Variants in LINGO2 observed in about 807,000 individuals in gnomAD.
LINGO2 encodes leucine rich repeat and Ig domain containing 2, also known as leucine-rich repeat and immunoglobulin-like domain-containing nogo receptor-interacting protein 2.
Under a neutral mutation model 30.6 loss-of-function variants are expected in LINGO2, and 14 were observed. That is an observed-to-expected ratio of 0.46 (90% CI 0.30 to 0.72). The LOEUF is 0.72. LINGO2 is among the 30% of genes least tolerant of loss of function. The pLI is 0.07. For missense variants in LINGO2, 729 were observed against 751.7 expected (o/e 0.97, Z 0.35); for synonymous variants, 317 against 288.5 (o/e 1.10, Z -1.00).
the LINGO2 span, among the ~76,000 whole-genome samples, chr9:28,927,114 A>T: frequency 1.3e-5 from 2 of 152,238 alleles, no homozygotes; most frequent in Non-Finnish European, 2.9e-5. Flanking sequence ...AAAAGAGAAC[A>T]TATCTTTTTG....
chr9:27,947,061 C>T (rs1823393597), downstream of LINGO2, among the ~76,000 whole-genome samples: 1 of 152,152 alleles, frequency 6.6e-6, no homozygotes, highest in Non-Finnish European at 1.5e-5. Context: ...CTTTCTACTC[C>T]AGCTTACATG....
the LINGO2 span, among the ~76,000 whole-genome samples, chr9:29,120,468 G>A: frequency 6.6e-6 from 1 of 152,040 alleles, no homozygotes; most frequent in South Asian, 2.1e-4. Context: ...TTGTCATATT[G>A]TCTTATTGTT....
chr9:29,008,510 C>T, the LINGO2 span, among the ~76,000 whole-genome samples: 1 of 152,298 alleles, frequency 6.6e-6, no homozygotes, highest in Admixed American at 6.5e-5. Context: ...ACACTGTCTT[C>T]CACAATGGTT....
chr9:28,663,235 A>G (rs1265116412), intron 1 of LINGO2, among the ~76,000 whole-genome samples: 1 of 152,066 alleles, frequency 6.6e-6, no homozygotes. Flanking sequence ...CAGTGGTGCC[A>G]TCTCGGCTCG....
At chr9:28,509,914 G>A (rs1820302676) in intron 1 of LINGO2, among the ~76,000 whole-genome samples, 2 of 152,164 alleles carry the variant, frequency 1.3e-5, no homozygotes, top group Non-Finnish European at 2.9e-5. Flanking sequence ...TATTTTTGAA[G>A]ATAAACAAAA....
the LINGO2 span, among the ~76,000 whole-genome samples, chr9:28,918,134 G>A: frequency 2.1e-4 from 32 of 152,228 alleles, 1 homozygote; most frequent in South Asian, 6.0e-3. Flanking sequence ...GGCTTAATCG[G>A]ACTTACAGTT....
At chr9:28,773,643 T>C in the LINGO2 span, among the ~76,000 whole-genome samples, 1 of 152,190 alleles carries the variant, frequency 6.6e-6, no homozygotes, top group South Asian at 2.1e-4. Flanking sequence ...TGCTTGTTTG[T>C]ACAATACTAT....
chr9:28,991,378 T>C, the LINGO2 span, among the ~76,000 whole-genome samples: 1 of 151,336 alleles, frequency 6.6e-6, no homozygotes, highest in African/African-American at 2.4e-5. Flanking sequence ...AAAGACCAAA[T>C]CTACGTCTGA....
At chr9:29,135,704 T>C in the LINGO2 span, among the ~76,000 whole-genome samples, 34 of 152,254 alleles carry the variant, frequency 2.2e-4, no homozygotes, top group African/African-American at 8.2e-4. Context: ...TACAGATCAA[T>C]AGAGTTATGC....
the LINGO2 span, among the ~76,000 whole-genome samples, chr9:28,997,694 G>C: frequency 6.6e-6 from 1 of 151,930 alleles, no homozygotes; most frequent in Admixed American, 6.6e-5. Context: ...ATGGTAGTGG[G>C]CACCTATAGT....
the LINGO2 span, among the ~76,000 whole-genome samples, chr9:28,830,414 T>G: frequency 6.6e-6 from 1 of 152,140 alleles, no homozygotes; most frequent in African/African-American, 2.4e-5. Flanking sequence ...TGCTAAGAAG[T>G]GTGGGTTTTA....
At chr9:28,191,648 C>T (rs533102201) in intron 4 of LINGO2, among the ~76,000 whole-genome samples, 1 of 152,174 alleles carries the variant, frequency 6.6e-6, no homozygotes, top group African/African-American at 2.4e-5. Flanking sequence ...ATGCCAGGAA[C>T]ATGACATGTG....
chr9:28,645,162 G>A (rs376720465), intron 1 of LINGO2, among the ~76,000 whole-genome samples: 9 of 151,962 alleles, frequency 5.9e-5, no homozygotes, highest in East Asian at 1.9e-4. Flanking sequence ...ACCTTAATTC[G>A]GTGTTTTCCT....
At chr9:28,575,927 TACACACAC>T (rs3065641) in intron 1 of LINGO2, among the ~76,000 whole-genome samples, 2 of 149,420 alleles carry the variant, frequency 1.3e-5, no homozygotes, top group East Asian at 2.0e-4. Context: ...AGCCTTGAAA[TACACACAC>T]ACACACACAC....
the LINGO2 span, among the ~76,000 whole-genome samples, chr9:29,074,105 A>C: frequency 6.6e-6 from 1 of 152,178 alleles, no homozygotes; most frequent in Non-Finnish European, 1.5e-5. Context: ...TCCAAGAAAG[A>C]TAAAGAACAT....
At chr9:28,885,382 T>C in the LINGO2 span, among the ~76,000 whole-genome samples, 1 of 37,666 alleles carries the variant, frequency 2.7e-5, no homozygotes, top group African/African-American at 7.4e-5. Context: ...CACATATATA[T>C]ATACACATAC....
chr9:28,632,079 T>C (rs913687472), intron 1 of LINGO2, among the ~76,000 whole-genome samples: 1 of 152,138 alleles, frequency 6.6e-6, no homozygotes, highest in South Asian at 2.1e-4. Flanking sequence ...TCTTTAGAGA[T>C]AGGCAGAAGG....
At chr9:29,156,869 C>T in the LINGO2 span, among the ~76,000 whole-genome samples, 1 of 151,914 alleles carries the variant, frequency 6.6e-6, no homozygotes, top group South Asian at 2.1e-4. Context: ...CTTAATGTAC[C>T]TTAGATCTAA....
the LINGO2 span, among the ~76,000 whole-genome samples, chr9:29,016,335 T>A: frequency 1.3e-5 from 2 of 152,118 alleles, no homozygotes; most frequent in Non-Finnish European, 2.9e-5. Context: ...GTTCATAAAT[T>A]TTCAGCTAAA....
Sources: gnomAD v4.1 joint callset for allele counts (sites outside exome capture counted in the v4.1 genomes callset) on GRCh38, gnomAD v4.1.1 for gene constraint, MANE v1.5 for transcripts, NCBI Gene and HGNC (gene_info 2026-07-23, HGNC 2026-07-21) for gene names.